Variants in AGPAT2 observed in about 807,000 individuals in gnomAD.
AGPAT2 encodes the protein 1-acylglycerol-3-phosphate O-acyltransferase 2.
Under a neutral mutation model 26.1 loss-of-function variants are expected in AGPAT2, and 18 were observed. That is an observed-to-expected ratio of 0.69 (90% CI 0.48 to 1.02). AGPAT2 has a LOEUF of 1.02. AGPAT2 is among the 50% of genes least tolerant of loss of function. The pLI, the probability that AGPAT2 is intolerant of heterozygous loss-of-function variation, is 0.00. For synonymous variants in AGPAT2, 200 were observed against 174.2 expected (o/e 1.15, Z -1.16); for missense variants, 415 against 394.9 (o/e 1.05, Z -0.43).
intron 4 of AGPAT2, among the ~76,000 whole-genome samples, 174 bp from the exon 5 acceptor site, chr9:136,674,981 G>A (rs538456435): frequency 3.3e-5 from 5 of 152,324 alleles, no homozygotes; most frequent in Non-Finnish European, 5.9e-5. Flanking sequence ...TCCTGCTCTG[G>A]TTGGCCCAGA....
rs530724206 is a variant in AGPAT2, at chr9:136,681,756, G to A, written c.183-4200C>T. Among the ~76,000 whole-genome samples, 14 of 152,234 alleles carry A rather than the reference G, an allele frequency of 9.2e-5. No homozygotes were observed. In the East Asian group the frequency reaches 1.4e-3, roughly 15 times the overall value. On this transcript the variant is annotated intron_variant, in intron 1 of 5. Transcript: ENST00000371696. ...GGAGGAGGTTGCGTTGAGCCGAGAT[G>A]GTGCCATTGTACTCCAGCCTGGGTG... is the stretch of plus-strand genomic sequence containing the variant.
intron 4 of AGPAT2, among the ~76,000 whole-genome samples, chr9:136,675,051 A>G (rs1020142576): frequency 6.6e-6 from 1 of 152,170 alleles, no homozygotes; most frequent in African/African-American, 2.4e-5. Context: ...CTCCTGAGCT[A>G]GCACGTGTTT....
chr9:136,686,515 C>A (rs72777546), intron 1 of AGPAT2, among the ~76,000 whole-genome samples: 2 of 152,234 alleles, frequency 1.3e-5, no homozygotes, highest in Non-Finnish European at 2.9e-5. Flanking sequence ...AAAATTTCAG[C>A]CCCGCCGAAC....
chr9:136,680,603 A>G (rs752807640), intron 1 of AGPAT2, among the ~76,000 whole-genome samples: 12 of 152,208 alleles, frequency 7.9e-5, no homozygotes, highest in Non-Finnish European at 1.6e-4. Context: ...TGAGGGCCAC[A>G]TGGGGTCCCC....
At chr9:136,679,597 G>T (rs527696620) in intron 1 of AGPAT2, among the ~76,000 whole-genome samples, 16 of 152,306 alleles carry the variant, frequency 1.1e-4, no homozygotes, top group African/African-American at 3.9e-4. Context: ...CCGGACCCCT[G>T]TGACGCTCCA....
intron 1 of AGPAT2, among the ~76,000 whole-genome samples, chr9:136,683,816 C>T (rs1846190439): frequency 6.6e-6 from 1 of 152,182 alleles, no homozygotes; most frequent in Admixed American, 6.5e-5. Flanking sequence ...GACTAAGACC[C>T]CAGTGCTGTG....
At chr9:136,674,648 C>A (rs1048090561) in intron 5 of AGPAT2, 87 bp downstream of exon 5, 10 of 1,088,602 alleles carry the variant, frequency 9.2e-6, no homozygotes, top group Non-Finnish European at 1.2e-5. Context: ...GGGTGCCACC[C>A]GGAAATGGGA....
rs533139275 is a variant in AGPAT2 at position 136,676,739 on chromosome 9, G to A, written c.493-59C>T. ...GCCCAGGCCACCCCAGAAAGGCCACGCCGCCTCGCCTCCTAAGAAGCCCCA... is the reference window on the plus strand; with the variant it reads ...GCCCAGGCCACCCCAGAAAGGCCACACCGCCTCGCCTCCTAAGAAGCCCCA... On this transcript the variant is annotated intron_variant, in intron 3 of 5. Transcript: ENST00000371696. 6.7e-5 allele frequency: 100 copies of A among 1,501,656 alleles called. 1 individual carries two copies. Among genetic ancestry groups the A allele is most frequent in the Admixed American group, 4.2e-4 (25 of 59,376 alleles). 93.0% of individuals were successfully genotyped at this position (1,501,656 alleles called of 1,614,324 possible). A position where few individuals can be genotyped will look rare whatever the true frequency, so the allele number is the denominator to read the frequency against.
At chr9:136,678,523 G>A (rs1846121517) in intron 1 of AGPAT2, among the ~76,000 whole-genome samples, 1 of 152,188 alleles carries the variant, frequency 6.6e-6, no homozygotes, top group Non-Finnish European at 1.5e-5. Flanking sequence ...CAGCAGGGGT[G>A]GATGGCCGGG....
chr9:136,680,547 C>T (rs1476944349), intron 1 of AGPAT2, among the ~76,000 whole-genome samples: 1 of 151,940 alleles, frequency 6.6e-6, no homozygotes, highest in African/African-American at 2.4e-5. Flanking sequence ...TTAGTGTTAA[C>T]AACTGCATCT....
chr9:136,686,802 C>T (rs1846226912), intron 1 of AGPAT2, among the ~76,000 whole-genome samples: 2 of 152,258 alleles, frequency 1.3e-5, no homozygotes, highest in Non-Finnish European at 2.9e-5. Context: ...CCTCGGTTTC[C>T]CCGCTCAGGA....
In AGPAT2 at chr9:136,682,375, A is replaced by T. The variant is rs147127380; in HGVS notation, c.182+4801T>A. On this transcript the variant is annotated intron_variant, in intron 1 of 5. Coordinates refer to ENST00000371696, the MANE Select transcript of AGPAT2 (RefSeq NM_006412.4). ...TGTGCCAAACACCCTGCCTCACTCA[A>T]ACTCCCCTCCCACCAACCACAGGCG... Among the ~76,000 whole-genome samples the T allele has an allele frequency of 8.4e-4, 128 of 152,010 alleles. 1 individual carries two copies. The highest frequency in any genetic ancestry group is 3.0e-3 in the African/African-American group (126 of 41,462).
At position 136,673,513 on chromosome 9, in the gene AGPAT2, C is replaced by T. The variant is rs56310643; in HGVS notation, c.*239G>A. On this transcript the variant is annotated 3_prime_UTR_variant, in exon 6 of 6. Coordinates refer to ENST00000371696, the MANE Select transcript of AGPAT2 (RefSeq NM_006412.4). ...TTATCATCCCAGCTCCCAGAGGTGC[C>T]GTGGGCGCGAGTCCCTGCCCTCGAG... is the stretch of plus-strand genomic sequence containing the variant. 6.4e-3 allele frequency: 2,623 copies of T among 412,886 alleles called. 46 individuals carry two copies. Among genetic ancestry groups the T allele is most frequent in the African/African-American group, 0.04 (1,947 of 48,680 alleles). The allele number at this position is 412,886 out of a possible 1,614,324, so 25.6% of individuals were successfully genotyped here. A position where few individuals can be genotyped will look rare whatever the true frequency, so the allele number is the denominator to read the frequency against.
intron 5 of AGPAT2, 95 bp from the exon 6 acceptor site, chr9:136,674,022 C>A: frequency 7.9e-7 from 1 of 1,272,480 alleles, no homozygotes; most frequent in Non-Finnish European, 1.0e-6. Flanking sequence ...CCCCCCACAG[C>A]CCCTCCCTGG....
chr9:136,686,649 A>AGAGGAAG (rs1315932601), intron 1 of AGPAT2, among the ~76,000 whole-genome samples: 115 of 152,288 alleles, frequency 7.6e-4, no homozygotes, highest in African/African-American at 2.7e-3. Context: ...CGAAGAGGAA[A>AGAGGAAG]GGGAGAGAAA....
chr9:136,676,128 G>C (rs914747), intron 4 of AGPAT2, among the ~76,000 whole-genome samples: 1 of 152,116 alleles, frequency 6.6e-6, no homozygotes, highest in African/African-American at 2.4e-5. Flanking sequence ...GTCTGGAGGC[G>C]CTGCTTACAA....
Position 136,687,303 on chromosome 9 carries a change from G to A in AGPAT2, c.55C>T (p.Gln19Ter). The change falls in exon 1 of 6, where the codon CAG becomes TAG. Residue 19 changes from glutamine to a stop codon, truncating the protein, a stop_gained. Transcript: ENST00000371696. LOFTEE classifies it high-confidence loss of function. ...TAGAACTCGGCCGCGCGGCTCAGCT[G>A]CACCAGCAGCAGCAGCAACAGCAGC... ...AALLLLLLLV[Q>*]LSRAAEFYAK... 1.3e-6 allele frequency: 2 copies of A among 1,573,740 alleles called. No homozygotes were observed. The highest frequency in any genetic ancestry group is 1.7e-6 in the Non-Finnish European group (2 of 1,163,880).
Position 136,674,440 on chromosome 9 carries a change from G to A in AGPAT2, c.661+295C>T, listed in dbSNP as rs1010499334. ...GCATCAGCCTGGACACATGGGCTCAGAGGCCGCCCTCCAGGCCCCCAAGCT... is the reference window on the plus strand; with the variant it reads ...GCATCAGCCTGGACACATGGGCTCAAAGGCCGCCCTCCAGGCCCCCAAGCT... On this transcript the variant is annotated intron_variant, in intron 5 of 5. Coordinates refer to ENST00000371696, the MANE Select transcript of AGPAT2 (RefSeq NM_006412.4). Among the ~76,000 whole-genome samples the A allele has an allele frequency of 4.6e-5, 7 of 152,246 alleles. 1 individual carries two copies. The highest frequency in any genetic ancestry group is 3.9e-4 in the Admixed American group (6 of 15,288).
intron 1 of AGPAT2, among the ~76,000 whole-genome samples, chr9:136,678,159 A>C (rs1846117131): frequency 6.6e-6 from 1 of 152,136 alleles, no homozygotes; most frequent in Non-Finnish European, 1.5e-5. Context: ...TTCCCCGTGA[A>C]GAGGCGGCGA....
Sources: gnomAD v4.1 joint callset for allele counts (sites outside exome capture counted in the v4.1 genomes callset) on GRCh38, gnomAD v4.1.1 for gene constraint, MANE v1.5 for transcripts, NCBI Gene and HGNC (gene_info 2026-07-23, HGNC 2026-07-21) for gene names.